The following MAPRE2 variants were observed in gnomAD, a reference collection of about 807,000 sequenced individuals.
MAPRE2 encodes the protein microtubule-associated protein RP/EB family member 2.
In MAPRE2, 13 loss-of-function variants were observed where a neutral mutation model predicts 43.2. The ratio of observed to expected loss-of-function variants is 0.30; its 90% CI spans 0.20 to 0.48. MAPRE2 has a LOEUF of 0.48. Among genes scored for constraint, MAPRE2 ranks in the 20% least tolerant of loss-of-function variants. MAPRE2 has a pLI of 0.99. For synonymous variants in MAPRE2, 135 were observed against 148.8 expected (o/e 0.91, Z 0.68); for missense variants, 161 against 400.2 (o/e 0.40, Z 5.10).
At chr18:35,035,369 G>T (rs1049640478) in intron 2 of MAPRE2, among the ~76,000 whole-genome samples, 1 of 151,560 alleles carries the variant, frequency 6.6e-6, no homozygotes, top group Non-Finnish European at 1.5e-5. Context: ...TTGTGGGGTG[G>T]GGGGAGAGGG....
At chr18:35,083,474 T>G (rs1907735260) in intron 2 of MAPRE2, among the ~76,000 whole-genome samples, 1 of 152,218 alleles carries the variant, frequency 6.6e-6, no homozygotes, top group Admixed American at 6.5e-5. Context: ...AAATTCTAAC[T>G]TTAGCTCCAC....
chr18:35,123,725 C>G (rs1909786662), intron 4 of MAPRE2, among the ~76,000 whole-genome samples: 1 of 152,232 alleles, frequency 6.6e-6, no homozygotes, highest in African/African-American at 2.4e-5. Flanking sequence ...TTGGCATCAG[C>G]TCCTCAAGCT....
rs543382782 is a variant in MAPRE2 at position 35,129,832 on chromosome 18, C to T, written c.751-2200C>T. 2.0e-5 allele frequency among the ~76,000 whole-genome samples: 3 copies of T among 152,304 alleles called. No individual in the cohort carries two copies. The East Asian group carries it at 5.8e-4, about 29-fold the overall frequency. ...TTTTCTAAGATCATCTACAGCATCT[C>T]CTTCATTGCTTAAGCATCTGCCATA... is the stretch of plus-strand genomic sequence containing the variant. On this transcript the variant is annotated intron_variant, in intron 5 of 6. Coordinates refer to ENST00000300249, the MANE Select transcript of MAPRE2 (RefSeq NM_014268.4).
chr18:35,120,874 T>C (rs114286923), intron 4 of MAPRE2, among the ~76,000 whole-genome samples: 1,935 of 152,272 alleles, frequency 0.013, 39 homozygotes, highest in African/African-American at 0.045. Flanking sequence ...CTCTGGGTTT[T>C]CTTCAATTGA....
intron 1 of MAPRE2, among the ~76,000 whole-genome samples, chr18:35,049,559 C>T (rs950982416): frequency 6.6e-6 from 1 of 152,110 alleles, no homozygotes; most frequent in Admixed American, 6.5e-5. Flanking sequence ...TTGATAAGAA[C>T]CTCCAGGGGC....
intron 1 of MAPRE2, among the ~76,000 whole-genome samples, chr18:35,001,351 A>T (rs2097029226): frequency 6.6e-6 from 1 of 151,980 alleles, no homozygotes; most frequent in African/African-American, 2.4e-5. Flanking sequence ...CATCACTACT[A>T]AAAAAATACA....
At chr18:35,140,100 G>A (rs547949446) in intron 6 of MAPRE2, among the ~76,000 whole-genome samples, 195 bp from the exon 7 acceptor site, 2 of 152,332 alleles carry the variant, frequency 1.3e-5, no homozygotes, top group South Asian at 4.1e-4. Flanking sequence ...TTGATCACAT[G>A]GGGAAGCTAA....
intron 4 of MAPRE2, among the ~76,000 whole-genome samples, chr18:35,102,856 G>A (rs1226985146): frequency 6.6e-6 from 1 of 152,138 alleles, no homozygotes; most frequent in East Asian, 1.9e-4. Flanking sequence ...ACACAGTTGG[G>A]TACTGCACAA....
intron 4 of MAPRE2, among the ~76,000 whole-genome samples, chr18:35,110,815 T>G (rs1909142937): frequency 6.6e-6 from 1 of 152,180 alleles, no homozygotes; most frequent in Non-Finnish European, 1.5e-5. Flanking sequence ...AGATAAGAAG[T>G]GCATACTCAT....
intron 1 of MAPRE2, among the ~76,000 whole-genome samples, chr18:35,042,030 A>G (rs1172263489): frequency 6.6e-6 from 1 of 152,218 alleles, no homozygotes; most frequent in East Asian, 1.9e-4. Context: ...TAGCAGTGCC[A>G]AAAGGCAGAA....
intron 2 of MAPRE2, among the ~76,000 whole-genome samples, chr18:35,086,784 G>A (rs950168445): frequency 2.0e-5 from 3 of 152,028 alleles, no homozygotes; most frequent in Non-Finnish European, 4.4e-5. Flanking sequence ...TAAAATATGG[G>A]AATGATAATA....
intron 1 of MAPRE2, among the ~76,000 whole-genome samples, chr18:35,053,014 A>G (rs200819784): frequency 6.1e-5 from 9 of 146,866 alleles, no homozygotes; most frequent in Admixed American, 1.4e-4. Context: ...CCCCCCACAC[A>G]CACACACAAA....
intron 2 of MAPRE2, among the ~76,000 whole-genome samples, chr18:35,026,650 G>A (rs1417655440): frequency 2.0e-5 from 3 of 152,230 alleles, no homozygotes; most frequent in East Asian, 3.9e-4. Flanking sequence ...ATATTTGCTA[G>A]CTCTGTGGAA....
upstream of MAPRE2, among the ~76,000 whole-genome samples, chr18:35,039,536 C>T (rs1417596475): frequency 6.6e-6 from 1 of 151,984 alleles, no homozygotes; most frequent in African/African-American, 2.4e-5. Flanking sequence ...ACTGGAGAAG[C>T]AAAAGATAAA....
intron 4 of MAPRE2, among the ~76,000 whole-genome samples, chr18:35,110,248 T>C (rs1382436730): frequency 6.6e-6 from 1 of 152,158 alleles, no homozygotes; most frequent in East Asian, 1.9e-4. Flanking sequence ...ATCATTAAAA[T>C]GTGCTGTGTG....
At chr18:34,992,572 G>A (rs2097024351) in intron 1 of MAPRE2, among the ~76,000 whole-genome samples, 1 of 152,202 alleles carries the variant, frequency 6.6e-6, no homozygotes, top group East Asian at 1.9e-4. Context: ...TGCTGTGAAA[G>A]GTGTTTGTTA....
chr18:35,000,834 C>T (rs1409343968), intron 1 of MAPRE2, among the ~76,000 whole-genome samples: 1 of 152,138 alleles, frequency 6.6e-6, no homozygotes, highest in Non-Finnish European at 1.5e-5. Flanking sequence ...TTTGCAAGTT[C>T]CTCTGTGTGT....
chr18:35,015,400 T>A (rs2097037511), intron 2 of MAPRE2, among the ~76,000 whole-genome samples: 1 of 152,142 alleles, frequency 6.6e-6, no homozygotes, highest in Admixed American at 6.6e-5. Flanking sequence ...TAGCAACTTA[T>A]CCTCATATGT....
At chr18:34,991,419 T>C (rs1246325932) in intron 1 of MAPRE2, among the ~76,000 whole-genome samples, 1 of 152,184 alleles carries the variant, frequency 6.6e-6, no homozygotes, top group East Asian at 1.9e-4. Context: ...ACGTCTGTCC[T>C]ACAGAACTAT....
Sources: allele counts gnomAD v4.1 joint callset (sites outside exome capture counted in the v4.1 genomes callset), GRCh38; gene constraint gnomAD v4.1.1; transcripts MANE v1.5; gene names NCBI Gene and HGNC (gene_info 2026-07-23, HGNC 2026-07-21).